SNX29: variants seen among roughly 807,000 people sequenced by gnomAD.
SNX29 encodes the protein sorting nexin 29.
Under a neutral mutation model 102.1 loss-of-function variants are expected in SNX29, and 78 were observed. The observed-to-expected ratio is 0.76, with a 90% CI of 0.64 to 0.92. The LOEUF is 0.92. Ranked by LOEUF, SNX29 falls within the 40% of genes least tolerant of loss-of-function variation. The pLI, the probability that SNX29 is intolerant of heterozygous loss-of-function variation, is 0.00. For missense variants in SNX29, 1,280 were observed against 1,061.7 expected, an observed-to-expected ratio of 1.21 and a Z score of -2.86; for synonymous variants, 580 against 414.5, an observed-to-expected ratio of 1.40 and a Z score of -4.85.
In SNX29 at chr16:12,005,527, T is replaced by C. The variant is rs188447087; in HGVS notation, c.122+2484T>C. 1.6e-4 allele frequency among the ~76,000 whole-genome samples: 25 copies of C among 152,280 alleles called. No individual in the cohort carries two copies. The East Asian group carries it at 2.3e-3, about 14-fold the overall frequency. On this transcript the variant is annotated intron_variant, in intron 3 of 20. Coordinates refer to ENST00000566228, the MANE Select transcript of SNX29 (RefSeq NM_032167.5). ...AAAGGTAATTAGGAAAGACTCCTCC[T>C]TCCTGGCCGGGTTGGTTTGTCTGTG...
chr16:12,444,408 G>A (rs1412726568), intron 18 of SNX29, among the ~76,000 whole-genome samples: 1 of 152,238 alleles, frequency 6.6e-6, no homozygotes, highest in African/African-American at 2.4e-5. Context: ...GGGAGATGCA[G>A]GTGGCTGCTT....
chr16:12,131,773 T>C (rs978421086), intron 13 of SNX29, among the ~76,000 whole-genome samples: 1 of 152,236 alleles, frequency 6.6e-6, no homozygotes, highest in Non-Finnish European at 1.5e-5. Context: ...CTCTGTGCTG[T>C]TAGATGCTGT....
chr16:12,001,140 C>T (rs1047295497), intron 2 of SNX29, among the ~76,000 whole-genome samples: 3 of 152,026 alleles, frequency 2.0e-5, no homozygotes, highest in Non-Finnish European at 4.4e-5. Context: ...TAGATGGAGT[C>T]TAGCTCTGTC....
At chr16:12,252,576 C>G (rs1428253608) in intron 14 of SNX29, among the ~76,000 whole-genome samples, 1 of 152,274 alleles carries the variant, frequency 6.6e-6, no homozygotes, top group African/African-American at 2.4e-5. Context: ...ATTATTTAGG[C>G]TTTGCCTCCC....
intron 13 of SNX29, among the ~76,000 whole-genome samples, chr16:12,192,590 C>G (rs1021237999): frequency 7.2e-5 from 11 of 152,316 alleles, no homozygotes; most frequent in African/African-American, 2.6e-4. Context: ...CAGCTCACTG[C>G]AGCCTGCAAC....
At chr16:12,524,944 A>T in intron 20 of SNX29, 103 bp downstream of exon 20, 3 of 1,497,544 alleles carry the variant, frequency 2.0e-6, no homozygotes, top group Non-Finnish European at 1.8e-6. Context: ...TGATGCCCTG[A>T]TCGCCATGGG....
intron 10 of SNX29, among the ~76,000 whole-genome samples, chr16:12,072,534 G>A (rs150182369): frequency 6.6e-6 from 1 of 152,164 alleles, no homozygotes; most frequent in Non-Finnish European, 1.5e-5. Context: ...GATCATGGTA[G>A]ATAAGCTTTT....
intron 20 of SNX29, among the ~76,000 whole-genome samples, chr16:12,530,841 C>T (rs930284286): frequency 2.6e-5 from 4 of 152,234 alleles, no homozygotes; most frequent in Non-Finnish European, 5.9e-5. Context: ...CAGGCGTGAG[C>T]CACCGTGCCT....
rs534202553 is a variant in SNX29, at chr16:12,423,769, G to A, written c.2037+20240G>A. On this transcript the variant is annotated intron_variant, in intron 18 of 20. Transcript: ENST00000566228. ...GTATTTTTAATAGAGATGGGGTTTC[G>A]CTATGTTGGCCAGGCTGGTCTTGAA... Among the ~76,000 whole-genome samples the A allele has an allele frequency of 3.9e-5, 6 of 152,220 alleles. No homozygotes were observed. In the East Asian group the frequency reaches 5.8e-4, roughly 15 times the overall value.
intron 19 of SNX29, among the ~76,000 whole-genome samples, chr16:12,502,298 T>G (rs1466138911): frequency 6.6e-6 from 1 of 152,140 alleles, no homozygotes; most frequent in African/African-American, 2.4e-5. Context: ...GACCAGCATG[T>G]CACCTCGCTG....
chr16:12,321,107 C>T (rs1160690633), intron 15 of SNX29, among the ~76,000 whole-genome samples: 2 of 152,152 alleles, frequency 1.3e-5, no homozygotes, highest in South Asian at 4.2e-4. Context: ...TCCTCCAGGT[C>T]TCAGCTTCCC....
chr16:12,247,866 G>C (rs1186639293), intron 14 of SNX29, among the ~76,000 whole-genome samples: 1 of 152,214 alleles, frequency 6.6e-6, no homozygotes, highest in East Asian at 1.9e-4. Flanking sequence ...TTGTACAAGA[G>C]TGACAGTAAA....
At chr16:12,549,194 C>A (rs572787285) in intron 20 of SNX29, among the ~76,000 whole-genome samples, 1 of 152,160 alleles carries the variant, frequency 6.6e-6, no homozygotes, top group Non-Finnish European at 1.5e-5. Flanking sequence ...GGGCTAGGCA[C>A]CCCTCACGAT....
chr16:12,275,532 A>G (rs1416599834), intron 14 of SNX29, among the ~76,000 whole-genome samples: 1 of 152,148 alleles, frequency 6.6e-6, no homozygotes, highest in East Asian at 1.9e-4. Flanking sequence ...CTAACAGTTC[A>G]TTAGCGTTTT....
chr16:12,533,103 C>G (rs1042170178), intron 20 of SNX29, among the ~76,000 whole-genome samples: 1 of 152,208 alleles, frequency 6.6e-6, no homozygotes, highest in Non-Finnish European at 1.5e-5. Flanking sequence ...CGGGGAGGGA[C>G]AGGTTCAACT....
At chr16:12,225,495 G>A (rs1281060723) in intron 14 of SNX29, among the ~76,000 whole-genome samples, 1 of 152,138 alleles carries the variant, frequency 6.6e-6, no homozygotes, top group East Asian at 1.9e-4. Context: ...TTTGATGTCT[G>A]CCATCCACGT....
chr16:12,390,624 G>A (rs1009671726), intron 16 of SNX29, among the ~76,000 whole-genome samples: 4 of 152,176 alleles, frequency 2.6e-5, no homozygotes, highest in South Asian at 2.1e-4. Flanking sequence ...CATTCTGGGC[G>A]AGGGCTGCCA....
chr16:12,530,955 A>T (rs2076916258), intron 20 of SNX29, among the ~76,000 whole-genome samples: 1 of 152,164 alleles, frequency 6.6e-6, no homozygotes, highest in African/African-American at 2.4e-5. Flanking sequence ...GCTCTACTTG[A>T]ACAGTTAAGA....
At chr16:12,362,566 C>CCA (rs2082336320) in intron 16 of SNX29, among the ~76,000 whole-genome samples, 1 of 69,044 alleles carries the variant, frequency 1.4e-5, no homozygotes, top group Non-Finnish European at 3.6e-5. Flanking sequence ...CCCCCCACCC[C>CCA]CCCCCCCACC....
Sources: allele counts gnomAD v4.1 joint callset (sites outside exome capture counted in the v4.1 genomes callset), GRCh38; gene constraint gnomAD v4.1.1; transcripts MANE v1.5; gene names NCBI Gene and HGNC (gene_info 2026-07-23, HGNC 2026-07-21).